Variants in FSTL4 observed in about 807,000 individuals in gnomAD.
FSTL4 encodes follistatin-related protein 4.
A neutral mutation model predicts 78.2 loss-of-function variants in FSTL4; 28 were observed. That is an observed-to-expected ratio of 0.36 (90% confidence interval 0.27 to 0.49). The LOEUF is 0.49. Ranked by LOEUF, FSTL4 falls within the 20% of genes least tolerant of loss-of-function variation. The pLI, the probability that FSTL4 is intolerant of heterozygous loss-of-function variation, is 0.98. For synonymous variants in FSTL4, 422 were observed against 440.5 expected, an observed-to-expected ratio of 0.96 and a Z score of 0.53; for missense variants, 922 against 1,084.9, an observed-to-expected ratio of 0.85 and a Z score of 2.11.
the FSTL4 span, among the ~76,000 whole-genome samples, chr5:133,829,340 C>T: frequency 4.6e-5 from 7 of 152,060 alleles, no homozygotes; most frequent in Admixed American, 1.3e-4. Context: ...GAGCTGAGAT[C>T]GCGCCACTGC....
At chr5:133,430,655 TC>T (rs988748995) in intron 3 of FSTL4, among the ~76,000 whole-genome samples, 1 of 152,212 alleles carries the variant, frequency 6.6e-6, no homozygotes, top group African/African-American at 2.4e-5. Context: ...AATATGACTT[TC>T]CAAAATAACA....
chr5:133,333,280 G>C (rs1456651497), intron 4 of FSTL4, among the ~76,000 whole-genome samples: 1 of 152,208 alleles, frequency 6.6e-6, no homozygotes, highest in African/African-American at 2.4e-5. Context: ...GGAAACTGAG[G>C]CCAAGGAACA....
At chr5:133,351,440 CT>C (rs759622996) in intron 4 of FSTL4, among the ~76,000 whole-genome samples, 14 of 152,042 alleles carry the variant, frequency 9.2e-5, no homozygotes, top group Non-Finnish European at 2.1e-4. Flanking sequence ...CTATTTTCAC[CT>C]TCTATAACTC....
intron 6 of FSTL4, among the ~76,000 whole-genome samples, chr5:133,264,470 C>T (rs1158783801): frequency 6.6e-6 from 1 of 152,110 alleles, no homozygotes; most frequent in African/African-American, 2.4e-5. Flanking sequence ...GTGTGGCTAT[C>T]ACACTCTCCT....
Position 133,201,963 on chromosome 5 carries a change from G to C in FSTL4, c.1796C>G (p.Pro599Arg). Residue 599 changes from proline (P) to arginine (R), a missense_variant, in exon 15 of 16, where the codon CCC becomes CGC. Coordinates refer to ENST00000265342, the MANE Select transcript of FSTL4 (RefSeq NM_015082.2). Reference sequence around the variant, plus strand: ...GTGGTTGATGATGAGGTTTGTTGGGGGAATGAAGAAATCATCCACTCCTGC... The same window carrying C: ...GTGGTTGATGATGAGGTTTGTTGGGCGAATGAAGAAATCATCCACTCCTGC... The part of the protein sequence containing the change: ...PFAGVDDFFI[P>R]PTNLIINHIR... The C allele has an allele frequency of 1.2e-6, 2 of 1,609,910 alleles. No homozygotes were observed. Among genetic ancestry groups the C allele is most frequent in the Non-Finnish European group, 1.7e-6 (2 of 1,177,232 alleles).
At chr5:133,429,517 C>T (rs73788091) in intron 3 of FSTL4, among the ~76,000 whole-genome samples, 14,461 of 152,072 alleles carry the variant, frequency 0.095, 2,222 homozygotes, top group African/African-American at 0.33. Context: ...GGAACAACAG[C>T]CAAGCCAAGA....
chr5:133,231,959 T>C (rs552163937), intron 8 of FSTL4, among the ~76,000 whole-genome samples: 3 of 152,242 alleles, frequency 2.0e-5, no homozygotes, highest in South Asian at 2.1e-4. Context: ...AATAGATCCT[T>C]AAGAGGCACA....
chr5:133,365,854 T>C (rs1755171668), intron 4 of FSTL4, among the ~76,000 whole-genome samples: 1 of 152,062 alleles, frequency 6.6e-6, no homozygotes, highest in Non-Finnish European at 1.5e-5. Context: ...GGGCCACGGG[T>C]ATTAACATTC....
intron 3 of FSTL4, among the ~76,000 whole-genome samples, chr5:133,482,356 C>CT (rs1758043867): frequency 6.6e-6 from 1 of 152,210 alleles, no homozygotes; most frequent in East Asian, 1.9e-4. Flanking sequence ...CTACAAGCAA[C>CT]TGAAACAATA....
the FSTL4 span, among the ~76,000 whole-genome samples, chr5:133,732,527 C>T: frequency 2.0e-5 from 3 of 152,144 alleles, 1 homozygote; most frequent in South Asian, 6.2e-4. Flanking sequence ...GAAAGCCCAT[C>T]CGTCAGCAGG....
intron 3 of FSTL4, among the ~76,000 whole-genome samples, chr5:133,519,058 T>C (rs1758921793): frequency 6.6e-6 from 1 of 152,190 alleles, no homozygotes; most frequent in African/African-American, 2.4e-5. Context: ...GAAAAAACTT[T>C]TGTAAAACCA....
the FSTL4 span, among the ~76,000 whole-genome samples, chr5:133,771,705 T>C: frequency 6.6e-6 from 1 of 152,188 alleles, no homozygotes; most frequent in East Asian, 1.9e-4. Context: ...ACTTCCTCTT[T>C]TCCAATCTGG....
intron 4 of FSTL4, among the ~76,000 whole-genome samples, chr5:133,352,389 CACACATATATAT>C (rs1432180784): frequency 2.6e-4 from 39 of 150,246 alleles, no homozygotes; most frequent in Non-Finnish European, 5.9e-5. Flanking sequence ...TATATATACA[CACACATATATAT>C]ACACATATAT....
chr5:133,783,706 G>A, the FSTL4 span, among the ~76,000 whole-genome samples: 7 of 152,300 alleles, frequency 4.6e-5, no homozygotes, highest in South Asian at 1.0e-3. Flanking sequence ...GTGCTGCCCC[G>A]TCATTTCCAG....
chr5:133,441,698 G>GATTT lies in FSTL4; in HGVS notation c.161-40716_161-40713dup, dbSNP rs1418285719. 5.3e-5 allele frequency among the ~76,000 whole-genome samples: 8 copies of GATTT among 152,304 alleles called. No individual in the cohort carries two copies. In the East Asian group the frequency reaches 1.5e-3, roughly 29 times the overall value. On this transcript the variant is annotated intron_variant, in intron 3 of 15. Transcript: ENST00000265342. ...GGCAAGGTCAGGACTAGAGAACTCA[G>GATTT]ATTTCCCCACTCCAGCAATGTTGCC...
intron 3 of FSTL4, among the ~76,000 whole-genome samples, chr5:133,542,108 T>C (rs1215088756): frequency 6.6e-6 from 1 of 152,210 alleles, no homozygotes; most frequent in East Asian, 1.9e-4. Context: ...TATTTGCTAC[T>C]GGTTTAAAAA....
chr5:133,458,548 T>C (rs1435355711), intron 3 of FSTL4, among the ~76,000 whole-genome samples: 1 of 152,256 alleles, frequency 6.6e-6, no homozygotes, highest in Non-Finnish European at 1.5e-5. Context: ...ATAGGCTTCC[T>C]TAATGGGAAT....
At chr5:133,573,167 C>G (rs1180198831) in intron 2 of FSTL4, among the ~76,000 whole-genome samples, 1 of 151,942 alleles carries the variant, frequency 6.6e-6, no homozygotes, top group East Asian at 1.9e-4. Context: ...TGGCGTGAAC[C>G]CGGGAGGCAG....
At chr5:133,463,945 G>C (rs1473857807) in intron 3 of FSTL4, among the ~76,000 whole-genome samples, 1 of 152,238 alleles carries the variant, frequency 6.6e-6, no homozygotes, top group East Asian at 1.9e-4. Flanking sequence ...GTGCAGAGCA[G>C]TTCCAAGCCT....
Sources: allele counts gnomAD v4.1 joint callset (sites outside exome capture counted in the v4.1 genomes callset), GRCh38; gene constraint gnomAD v4.1.1; transcripts MANE v1.5; gene names NCBI Gene and HGNC (gene_info 2026-07-23, HGNC 2026-07-21).